CATSPERT: variants seen among roughly 807,000 people sequenced by gnomAD.
The protein encoded by CATSPERT is cation channel sperm-associated targeting subunit tau.
the CATSPERT span, among the ~76,000 whole-genome samples, chr2:201,612,689 G>A: frequency 1.3e-5 from 2 of 152,086 alleles, no homozygotes; most frequent in African/African-American, 4.8e-5. Context: ...TCCAACTGAG[G>A]TACTGGGTTC....
At chr2:201,514,275 T>TG in the CATSPERT span, among the ~76,000 whole-genome samples, 1 of 152,156 alleles carries the variant, frequency 6.6e-6, no homozygotes, top group Non-Finnish European at 1.5e-5. Flanking sequence ...TGACTATGTG[T>TG]GAAAAACTTC....
chr2:201,508,419 C>T, the CATSPERT span, among the ~76,000 whole-genome samples: 1 of 152,250 alleles, frequency 6.6e-6, no homozygotes, highest in Admixed American at 6.5e-5. Context: ...GAAAGACAGA[C>T]TGCATTTCCT....
chr2:201,489,837 T>A, the CATSPERT span, among the ~76,000 whole-genome samples: 1 of 151,658 alleles, frequency 6.6e-6, no homozygotes, highest in Non-Finnish European at 1.5e-5. Flanking sequence ...GTATAAAGTC[T>A]AGTCGCAGAT....
At chr2:201,570,749 TA>T in the CATSPERT span, among the ~76,000 whole-genome samples, 1 of 152,146 alleles carries the variant, frequency 6.6e-6, no homozygotes, top group Non-Finnish European at 1.5e-5. Flanking sequence ...CACTCTCAAC[TA>T]AAGACTGTTC....
the CATSPERT span, among the ~76,000 whole-genome samples, chr2:201,512,534 CA>C: frequency 2.6e-5 from 4 of 152,132 alleles, no homozygotes; most frequent in Admixed American, 6.5e-5. Context: ...TGGAATCATA[CA>C]GTGTGTAACA....
the CATSPERT span, chr2:201,619,159 C>G: frequency 5.0e-6 from 8 of 1,610,298 alleles, no homozygotes; most frequent in Non-Finnish European, 6.8e-6. Context: ...CTGTCTGCGC[C>G]CAACCGACGG....
chr2:201,577,106 T>G, the CATSPERT span, among the ~76,000 whole-genome samples: 1 of 152,214 alleles, frequency 6.6e-6, no homozygotes, highest in South Asian at 2.1e-4. Context: ...CTTTGTTTCA[T>G]GCACAAAATT....
chr2:201,491,397 C>G, the CATSPERT span: 25 of 1,537,058 alleles, frequency 1.6e-5, no homozygotes, highest in African/African-American at 3.3e-4. Flanking sequence ...CTTCTACAAC[C>G]TTATATTGGA....
the CATSPERT span, among the ~76,000 whole-genome samples, chr2:201,489,628 G>A: frequency 1.3e-5 from 2 of 151,914 alleles, no homozygotes; most frequent in African/African-American, 2.4e-5. Flanking sequence ...AAGCAATTAC[G>A]CAGAAATTAG....
At chr2:201,491,073 G>A in the CATSPERT span, 1 of 1,069,572 alleles carries the variant, frequency 9.3e-7, no homozygotes, top group Admixed American at 2.9e-5. Context: ...GGGTAATTAA[G>A]GTTATACACA....
At chr2:201,541,699 G>A in the CATSPERT span, among the ~76,000 whole-genome samples, 3 of 151,348 alleles carry the variant, frequency 2.0e-5, no homozygotes, top group African/African-American at 4.9e-5. Context: ...GGGTTCAAGA[G>A]ATTCTCATGT....
chr2:201,566,755 T>C, the CATSPERT span, among the ~76,000 whole-genome samples: 1 of 152,304 alleles, frequency 6.6e-6, no homozygotes, highest in East Asian at 1.9e-4. Flanking sequence ...GTGTTTCTAG[T>C]TCTAGATCCC....
the CATSPERT span, among the ~76,000 whole-genome samples, chr2:201,612,257 C>T: frequency 1.3e-5 from 2 of 152,102 alleles, no homozygotes; most frequent in Non-Finnish European, 1.5e-5. Context: ...GGTATTACCA[C>T]CCTCTAATTT....
the CATSPERT span, among the ~76,000 whole-genome samples, chr2:201,541,531 T>TTATTTATATA: frequency 1.1e-5 from 1 of 92,768 alleles, no homozygotes; most frequent in Non-Finnish European, 2.1e-5. Flanking sequence ...TCAGATGATT[T>TTATTTATATA]TATATATATA....
At chr2:201,545,457 A>C in the CATSPERT span, 5 of 918,756 alleles carry the variant, frequency 5.4e-6, no homozygotes, top group Admixed American at 2.7e-5. Context: ...AAATCTACTT[A>C]AAGCAAATTA....
chr2:201,515,950 C>T, the CATSPERT span, among the ~76,000 whole-genome samples: 1 of 152,334 alleles, frequency 6.6e-6, no homozygotes, highest in African/African-American at 2.4e-5. Context: ...GCTATAACAG[C>T]AGTATTCATG....
the CATSPERT span, among the ~76,000 whole-genome samples, chr2:201,541,531 T>TTATATATATA: frequency 1.4e-3 from 131 of 92,702 alleles, no homozygotes; most frequent in African/African-American, 1.9e-3. Flanking sequence ...TCAGATGATT[T>TTATATATATA]TATATATATA....
chr2:201,493,497 T>C, the CATSPERT span: 11 of 1,537,128 alleles, frequency 7.2e-6, no homozygotes, highest in Non-Finnish European at 9.6e-6. Context: ...CTTTATCTAA[T>C]TCTATCACTT....
chr2:201,566,746 T>C, the CATSPERT span, among the ~76,000 whole-genome samples: 1 of 152,156 alleles, frequency 6.6e-6, no homozygotes, highest in African/African-American at 2.4e-5. Context: ...GGTCAAATGG[T>C]GTTTCTAGTT....
Sources: gnomAD v4.1 joint callset for allele counts (sites outside exome capture counted in the v4.1 genomes callset) on GRCh38, gnomAD v4.1.1 for gene constraint, MANE v1.5 for transcripts, NCBI Gene and HGNC (gene_info 2026-07-23, HGNC 2026-07-21) for gene names.